The following TMPRSS15 variants were observed in gnomAD, a reference collection of about 807,000 sequenced individuals.
The protein encoded by TMPRSS15 is transmembrane serine protease 15, also known as enteropeptidase.
In TMPRSS15, 128 loss-of-function variants were observed where a neutral mutation model predicts 125.3. The ratio of observed to expected loss-of-function variants is 1.02; its 90% CI spans 0.89 to 1.18. The LOEUF (loss-of-function observed/expected upper bound fraction) is 1.18. Among genes scored for constraint, TMPRSS15 ranks in the 50% most tolerant of loss-of-function variants. TMPRSS15 has a pLI of 0.00. For missense variants in TMPRSS15, 1,283 were observed against 1,212.7 expected, an observed-to-expected ratio of 1.06 and a Z score of -0.86; for synonymous variants, 446 against 423.2, an observed-to-expected ratio of 1.05 and a Z score of -0.66.
chr21:18,339,465 T>G lies in TMPRSS15; in HGVS notation c.1564+1948A>C, dbSNP rs996841831. On this transcript the variant is annotated intron_variant, in intron 13 of 24. Transcript: ENST00000284885. The stretch of plus-strand genomic sequence containing the variant: ...CTTGAAGATTGGAAGCAGAAAAAGA[T>G]ATAGTTTTGGAAGTAAACCAAATTT... Among the ~76,000 whole-genome samples, 9 of 152,258 alleles carry G rather than the reference T, an allele frequency of 5.9e-5. No homozygotes were observed. In the South Asian group the frequency reaches 1.7e-3, roughly 28 times the overall value.
At chr21:18,320,590 G>A (rs2075223716) in intron 16 of TMPRSS15, among the ~76,000 whole-genome samples, 1 of 152,186 alleles carries the variant, frequency 6.6e-6, no homozygotes, top group Admixed American at 6.5e-5. Context: ...TGCTCTAGCT[G>A]AAGCTGTTAG....
chr21:18,482,512 C>T (rs1321866417), intron 1 of TMPRSS15, among the ~76,000 whole-genome samples: 2 of 151,642 alleles, frequency 1.3e-5, no homozygotes, highest in East Asian at 1.9e-4. Flanking sequence ...GATCATTACA[C>T]GTCTATGCAT....
At position 18,280,986 on chromosome 21, in the gene TMPRSS15, G is replaced by A. The variant is rs1411162592; in HGVS notation, c.2668+54C>T. ...TGACATTGATAATATTTGAAATCTA[G>A]TTTTGAATTAATTTTGGCAGATAAG... On this transcript the variant is annotated intron_variant, in intron 22 of 24. Coordinates refer to ENST00000284885, the MANE Select transcript of TMPRSS15 (RefSeq NM_002772.3). The A allele has an allele frequency of 1.7e-5, 26 of 1,555,432 alleles. No homozygotes were observed. In the Admixed American group the frequency reaches 4.0e-4, roughly 24 times the overall value.
At chr21:18,292,076 C>T (rs1196230878) in intron 21 of TMPRSS15, among the ~76,000 whole-genome samples, 1 of 152,086 alleles carries the variant, frequency 6.6e-6, no homozygotes, top group Non-Finnish European at 1.5e-5. Flanking sequence ...ATGGAAAGTC[C>T]AAATGTATCA....
At position 18,332,869 on chromosome 21, in the gene TMPRSS15, T is replaced by C. The variant is rs145841080; in HGVS notation, c.1565-696A>G. ...AAATGTCCATCAATGATAGACTGAC[T>C]AAAGAAAAGGTGGTACATATATACC... On this transcript the variant is annotated intron_variant, in intron 13 of 24. Coordinates refer to ENST00000284885, the MANE Select transcript of TMPRSS15 (RefSeq NM_002772.3). Among the ~76,000 whole-genome samples the C allele has an allele frequency of 3.8e-3, 585 of 152,226 alleles. 5 individuals carry two copies. The highest frequency in any genetic ancestry group is 0.014 in the African/African-American group (562 of 41,518).
intron 18 of TMPRSS15, among the ~76,000 whole-genome samples, chr21:18,303,547 G>A (rs943323947): frequency 2.0e-5 from 3 of 152,100 alleles, no homozygotes; most frequent in African/African-American, 7.2e-5. Flanking sequence ...GGAAGGTTTT[G>A]TTATAAGCTT....
intron 1 of TMPRSS15, among the ~76,000 whole-genome samples, chr21:18,440,426 T>C (rs943491660): frequency 2.2e-5 from 3 of 138,162 alleles, no homozygotes; most frequent in Non-Finnish European, 3.2e-5. Flanking sequence ...TTGGCATCAA[T>C]ATAAAGAGTC....
intron 1 of TMPRSS15, among the ~76,000 whole-genome samples, chr21:18,438,914 T>G (rs528630492): frequency 6.6e-6 from 1 of 152,334 alleles, no homozygotes; most frequent in East Asian, 1.9e-4. Context: ...TGTAGAACAT[T>G]CTTTTGTTTT....
chr21:18,479,423 A>G (rs1164588627), intron 1 of TMPRSS15, among the ~76,000 whole-genome samples: 1 of 152,006 alleles, frequency 6.6e-6, no homozygotes, highest in African/African-American at 2.4e-5. Flanking sequence ...AAATTTGTTT[A>G]CTACCTAACT....
chr21:18,424,671 GAAA>G (rs1183102694), intron 1 of TMPRSS15, among the ~76,000 whole-genome samples: 1 of 151,948 alleles, frequency 6.6e-6, no homozygotes, highest in East Asian at 1.9e-4. Flanking sequence ...GGAGCCGGGG[GAAA>G]AAGGACTGTG....
chr21:18,365,657 T>TCCTTCCTTCCTTCCTTCCTTCCTC (rs2075726466), intron 6 of TMPRSS15, among the ~76,000 whole-genome samples: 1 of 116,548 alleles, frequency 8.6e-6, no homozygotes, highest in Admixed American at 8.7e-5. Flanking sequence ...CTCCCTTCCT[T>TCCTTCCTTCCTTCCTTCCTTCCTC]CCTTCCTTCC....
At position 18,420,858 on chromosome 21, in the gene TMPRSS15, CA is replaced by C. The variant is rs2076190723; in HGVS notation, c.11-22530del. ...TATGTAGGCTTTCTCCGTTCAACCC[CA>C]AGAAGTATCTAGGGAGGATTTCAAA... On this transcript the variant is annotated intron_variant, in intron 1 of 7. Transcript: ENST00000422787. Among the ~76,000 whole-genome samples the C allele has an allele frequency of 2.0e-5, 3 of 152,228 alleles. No individual in the cohort carries two copies. In the South Asian group the frequency reaches 6.2e-4, roughly 32 times the overall value.
intron 1 of TMPRSS15, among the ~76,000 whole-genome samples, chr21:18,472,884 TAAG>T (rs1321002355): frequency 3.3e-5 from 5 of 152,060 alleles, no homozygotes; most frequent in African/African-American, 2.4e-5. Flanking sequence ...GTTATTCCAA[TAAG>T]AAGGCACAAT....
intron 8 of TMPRSS15, among the ~76,000 whole-genome samples, chr21:18,355,564 C>A (rs1218293143): frequency 6.6e-6 from 1 of 151,754 alleles, no homozygotes; most frequent in African/African-American, 2.4e-5. Flanking sequence ...ATGTATTTCA[C>A]AAATCCAGGG....
intron 10 of TMPRSS15, among the ~76,000 whole-genome samples, chr21:18,351,638 C>T (rs971719321): frequency 6.6e-6 from 1 of 152,132 alleles, no homozygotes; most frequent in African/African-American, 2.4e-5. Context: ...CTGAGACCTC[C>T]CCAGCCATGC....
Position 18,403,736 on chromosome 21 carries a change from G to GTC in TMPRSS15, c.-116_-115dup. The GTC allele has an allele frequency of 7.6e-7, 1 of 1,307,262 alleles. No homozygotes were observed. Among genetic ancestry groups the GTC allele is most frequent in the South Asian group, 1.2e-5 (1 of 80,362 alleles). 81.0% of individuals were successfully genotyped at this position (1,307,262 alleles called of 1,614,324 possible). ...AAGATGTGTAAAGCAACAACCACCTGTCTACATGCATACCAGTCAGTGTAA... is the reference window on the plus strand; with the variant it reads ...AAGATGTGTAAAGCAACAACCACCTGTCTCTACATGCATACCAGTCAGTGTAA... On this transcript the variant is annotated 5_prime_UTR_variant, in exon 1 of 25. An upstream open reading frame in the 5' UTR gains an earlier in-frame stop. Coordinates refer to ENST00000284885, the MANE Select transcript of TMPRSS15 (RefSeq NM_002772.3).
At position 18,438,090 on chromosome 21, in the gene TMPRSS15, C is replaced by T. The variant is rs372847015; in HGVS notation, c.11-39761G>A. Among the ~76,000 whole-genome samples the T allele has an allele frequency of 1.7e-4, 25 of 151,130 alleles. No individual in the cohort carries two copies. The South Asian group carries it at 3.8e-3, about 23-fold the overall frequency. ...TGGAACCAACCCAAATGTCCAACAA[C>T]GATAGACTGGATTAAGAAAATGTGG... On this transcript the variant is annotated intron_variant, in intron 1 of 7. Coordinates refer to the TMPRSS15 transcript ENST00000422787.
rs59972471 is a variant in TMPRSS15 at position 18,278,924 on chromosome 21, G to GTTTTTTTTT, written c.2764+31_2764+39dup. 279 of 440,148 alleles carry GTTTTTTTTT rather than the reference G, an allele frequency of 6.3e-4. 2 individuals are homozygous for GTTTTTTTTT. Among genetic ancestry groups the GTTTTTTTTT allele is most frequent in the South Asian group, 9.4e-4 (45 of 47,636 alleles). The allele number at this position is 440,148 out of a possible 1,614,324, so 27.3% of individuals were successfully genotyped here. A position where few individuals can be genotyped will look rare whatever the true frequency, so the allele number is the denominator to read the frequency against. On this transcript the variant is annotated intron_variant, in intron 23 of 24. Coordinates refer to ENST00000284885, the MANE Select transcript of TMPRSS15 (RefSeq NM_002772.3). ...TGACAGTCTGTTTTTCACCAGTAAG[G>GTTTTTTTTT]TTTTTTTTTTTTTTTTTTTTTTTGA...
At chr21:18,333,409 G>C (rs2075363269) in intron 13 of TMPRSS15, among the ~76,000 whole-genome samples, 2 of 151,776 alleles carry the variant, frequency 1.3e-5, no homozygotes, top group African/African-American at 2.4e-5. Context: ...TTTATAAATA[G>C]GTTTCATAAA....
Sources: gnomAD v4.1 joint callset for allele counts (sites outside exome capture counted in the v4.1 genomes callset) on GRCh38, gnomAD v4.1.1 for gene constraint, MANE v1.5 for transcripts, NCBI Gene and HGNC (gene_info 2026-07-23, HGNC 2026-07-21) for gene names.